The following NPAS2 variants were observed in gnomAD, a reference collection of about 807,000 sequenced individuals.
NPAS2 encodes neuronal PAS domain-containing protein 2.
NPAS2 carries 23 observed loss-of-function variants against 107.5 expected under a neutral mutation model. The ratio of observed to expected loss-of-function variants is 0.21; its 90% CI spans 0.15 to 0.30. The LOEUF (loss-of-function observed/expected upper bound fraction) is 0.30. Among genes scored for constraint, NPAS2 ranks in the 10% least tolerant of loss-of-function variants. The pLI, the probability that NPAS2 is intolerant of heterozygous loss-of-function variation, is 1.00. For missense variants in NPAS2, 756 were observed against 1,043.3 expected (o/e 0.72, Z 3.79); for synonymous variants, 403 against 417.5 (o/e 0.97, Z 0.42).
At chr2:100,956,047 G>A (rs1675548902) in intron 7 of NPAS2, among the ~76,000 whole-genome samples, 1 of 152,078 alleles carries the variant, frequency 6.6e-6, no homozygotes, top group Non-Finnish European at 1.5e-5. Context: ...TGGGACTACA[G>A]GCGCATGCTA....
At chr2:100,900,124 G>A (rs888365700) in intron 1 of NPAS2, among the ~76,000 whole-genome samples, 3 of 152,134 alleles carry the variant, frequency 2.0e-5, no homozygotes, top group African/African-American at 7.2e-5. Flanking sequence ...ATTTAAAACT[G>A]CTCATCAGAA....
intron 1 of NPAS2, among the ~76,000 whole-genome samples, chr2:100,853,548 A>G (rs911134735): frequency 6.6e-6 from 1 of 152,204 alleles, no homozygotes; most frequent in African/African-American, 2.4e-5. Flanking sequence ...GGCCTGGAAC[A>G]GTCTCCTTTT....
intron 1 of NPAS2, among the ~76,000 whole-genome samples, chr2:100,870,596 T>C (rs577381358): frequency 3.5e-4 from 54 of 152,190 alleles, no homozygotes; most frequent in African/African-American, 1.3e-3. Context: ...GGTTTTGCCA[T>C]GTTGCCCAGG....
chr2:100,948,507 G>C (rs1441846268), intron 6 of NPAS2, 152 bp downstream of exon 6: 1 of 736,960 alleles, frequency 1.4e-6, no homozygotes, highest in Non-Finnish European at 2.0e-6. Context: ...GTATATTTTA[G>C]GTTTAAAGCT....
At chr2:100,875,167 G>A (rs922677432) in intron 1 of NPAS2, among the ~76,000 whole-genome samples, 2 of 152,158 alleles carry the variant, frequency 1.3e-5, no homozygotes, top group Admixed American at 1.3e-4. Context: ...TATGCTAAGT[G>A]ACATAAGCCA....
intron 1 of NPAS2, among the ~76,000 whole-genome samples, chr2:100,887,781 T>G (rs1680802968): frequency 6.6e-6 from 1 of 152,022 alleles, no homozygotes; most frequent in African/African-American, 2.4e-5. Flanking sequence ...CCACCCAGGC[T>G]GGGTCTGGGA....
In NPAS2 at chr2:100,823,967, G is replaced by A. The variant is rs1324366160; in HGVS notation, c.-23+3553G>A. On this transcript the variant is annotated intron_variant, in intron 1 of 20. Coordinates refer to ENST00000335681, the MANE Select transcript of NPAS2 (RefSeq NM_002518.4). ...CAGACAGACCTGGGGTAGCCTCCCAGCTCAGCTATGGCAACTTTTAACCTG... is the reference window on the plus strand; with the variant it reads ...CAGACAGACCTGGGGTAGCCTCCCAACTCAGCTATGGCAACTTTTAACCTG... Among the ~76,000 whole-genome samples the A allele has an allele frequency of 5.3e-5, 8 of 152,300 alleles. No individual in the cohort carries two copies. The East Asian group carries it at 1.4e-3, about 26-fold the overall frequency.
chr2:100,960,821 AT>A (rs1465816000), intron 7 of NPAS2, among the ~76,000 whole-genome samples: 2 of 152,062 alleles, frequency 1.3e-5, no homozygotes, highest in Admixed American at 6.5e-5. Flanking sequence ...TTAAGCTAGG[AT>A]TTGGAGATGA....
chr2:100,990,905 G>A lies in NPAS2; in HGVS notation c.2111+33G>A, dbSNP rs111366415. ...GACCCTGGCGGGAGGCAGGAGGCAAGCGCTGGTGGAATGGTTCCAGGCTGG... is the reference window on the plus strand; with the variant it reads ...GACCCTGGCGGGAGGCAGGAGGCAAACGCTGGTGGAATGGTTCCAGGCTGG... On this transcript the variant is annotated intron_variant, in intron 19 of 20. Transcript: ENST00000335681. 1,622 of 1,583,886 alleles carry A rather than the reference G, an allele frequency of 1.0e-3. 21 individuals are homozygous for A. In the African/African-American group the frequency reaches 0.018, roughly 17 times the overall value.
At chr2:100,980,342 G>T (rs1411950959) in intron 15 of NPAS2, among the ~76,000 whole-genome samples, 1 of 152,186 alleles carries the variant, frequency 6.6e-6, no homozygotes, top group African/African-American at 2.4e-5. Context: ...ACTTGGAATA[G>T]CTCGTTTGCT....
At chr2:100,858,128 C>T (rs115194609) in intron 1 of NPAS2, among the ~76,000 whole-genome samples, 3,276 of 152,260 alleles carry the variant, frequency 0.022, 61 homozygotes, top group South Asian at 0.033. Context: ...AAAGAGGTCT[C>T]GTTGCCTCTC....
intron 1 of NPAS2, among the ~76,000 whole-genome samples, chr2:100,891,492 C>A (rs1415613401): frequency 6.6e-6 from 1 of 152,152 alleles, no homozygotes; most frequent in Non-Finnish European, 1.5e-5. Flanking sequence ...GAAGGGGAGG[C>A]AATTAACCAG....
At chr2:100,980,826 G>A (rs975336800) in intron 15 of NPAS2, among the ~76,000 whole-genome samples, 3 of 152,174 alleles carry the variant, frequency 2.0e-5, no homozygotes. Context: ...TTTAAAGGAA[G>A]TCTGAGGTCA....
At chr2:100,988,543 G>A (rs1677905561) in intron 17 of NPAS2, 1 of 469,958 alleles carries the variant, frequency 2.1e-6, no homozygotes, top group Admixed American at 3.7e-5. Flanking sequence ...TCACTCGGCT[G>A]AAATGTTCAC....
At chr2:100,945,175 C>T (rs991706570) in intron 5 of NPAS2, among the ~76,000 whole-genome samples, 1 of 152,032 alleles carries the variant, frequency 6.6e-6, no homozygotes, top group East Asian at 1.9e-4. Flanking sequence ...AGATAAAGAC[C>T]GGTGCGTCCG....
chr2:100,892,125 C>T (rs1681110548), intron 1 of NPAS2, among the ~76,000 whole-genome samples: 1 of 152,152 alleles, frequency 6.6e-6, no homozygotes, highest in Non-Finnish European at 1.5e-5. Flanking sequence ...GATAGAGAGT[C>T]CCCCTAAAAG....
chr2:100,889,922 G>A (rs1344315895), intron 1 of NPAS2, among the ~76,000 whole-genome samples: 1 of 147,034 alleles, frequency 6.8e-6, no homozygotes, highest in Non-Finnish European at 1.5e-5. Context: ...ATGCCTTGGA[G>A]ACGTCCCCTG....
intron 3 of NPAS2, among the ~76,000 whole-genome samples, chr2:100,931,836 G>A (rs564604367): frequency 1.8e-4 from 27 of 152,270 alleles, no homozygotes; most frequent in Admixed American, 1.6e-3. Flanking sequence ...CATTCACTAA[G>A]ATTCATTCAT....
intron 20 of NPAS2, chr2:100,994,618 G>A (rs1028142047): frequency 6.6e-6 from 1 of 152,530 alleles, no homozygotes; most frequent in African/African-American, 2.4e-5. Context: ...TCGGATTTGG[G>A]AACAGTGGGA....
Sources: gnomAD v4.1 joint callset for allele counts (sites outside exome capture counted in the v4.1 genomes callset) on GRCh38, gnomAD v4.1.1 for gene constraint, MANE v1.5 for transcripts, NCBI Gene and HGNC (gene_info 2026-07-23, HGNC 2026-07-21) for gene names.